SDE2: variants seen among roughly 807,000 people sequenced by gnomAD.
SDE2 encodes spliceosome associated SDE2, also known as splicing regulator SDE2.
Under a neutral mutation model 46.9 loss-of-function variants are expected in SDE2, and 31 were observed. The ratio of observed to expected loss-of-function variants is 0.66; its 90% confidence interval spans 0.50 to 0.89. The LOEUF is 0.89. Ranked by LOEUF, SDE2 falls within the 40% of genes least tolerant of loss-of-function variation. The pLI is 0.00. For missense variants in SDE2, 542 were observed against 564.4 expected (o/e 0.96, Z 0.40); for synonymous variants, 205 against 204.3 (o/e 1.00, Z -0.03).
At position 225,995,331 on chromosome 1, in the gene SDE2, G is replaced by A. The variant is rs1263030239; in HGVS notation, c.173C>T (p.Thr58Ile). ...FVKCNGALIN[T>I]SDTVQHGAVY... ...AGCTCCATGCTGCACTGTGTCACTG[G>A]TGTTAATGAGTGCTCCATTGCATTT... Residue 58 changes from threonine to isoleucine, a missense_variant, in exon 2 of 7, where the codon ACC becomes ATC. By Grantham distance (89) the Thr-to-Ile change is moderately conservative. Coordinates refer to ENST00000272091, the MANE Select transcript of SDE2 (RefSeq NM_152608.4). 6.2e-7 allele frequency: 1 copy of A among 1,612,714 alleles called. No individual in the cohort carries two copies. Among genetic ancestry groups the A allele is most frequent in the Non-Finnish European group, 8.5e-7 (1 of 1,179,004 alleles).
intron 6 of SDE2, among the ~76,000 whole-genome samples, 179 bp from the exon 7 acceptor site, chr1:225,985,702 T>C (rs1287777778): frequency 6.6e-6 from 1 of 152,224 alleles, no homozygotes; most frequent in Non-Finnish European, 1.5e-5. Flanking sequence ...ACATAATAAC[T>C]AATTTTTCAT....
rs1181099710 is a variant in SDE2 at position 225,984,354 on chromosome 1, A to C, written c.*948T>G. The C allele has an allele frequency of 6.6e-6, 1 of 152,232 alleles. No homozygotes were observed. Among genetic ancestry groups the C allele is most frequent in the Non-Finnish European group, 1.5e-5 (1 of 68,046 alleles). The allele number at this position is 152,232 out of a possible 1,614,324, so 9.4% of individuals were successfully genotyped here. ...CTTAAAAGAAAATGTATAGCTTTAAATATGTATTTTAAATAACGTCTAAGA... is the reference window on the plus strand; with the variant it reads ...CTTAAAAGAAAATGTATAGCTTTAACTATGTATTTTAAATAACGTCTAAGA... On this transcript the variant is annotated 3_prime_UTR_variant, in exon 7 of 7. Transcript: ENST00000272091.
In SDE2 at chr1:225,988,299, A is replaced by T; in HGVS notation, c.731T>A (p.Met244Lys). Residue 244 changes from methionine to lysine, a missense_variant, in exon 6 of 7, where the codon ATG becomes AAG. Coordinates refer to ENST00000272091, the MANE Select transcript of SDE2 (RefSeq NM_152608.4). ...ACCAATTTTTGGAGCATGGAAACCC[A>T]TTCCTGAAGTGCTTGGTGCTTCTTC... ...DSEEAPSTSG[M>K]GFHAPKIGSN... The T allele has an allele frequency of 3.1e-6, 5 of 1,614,156 alleles. No individual in the cohort carries two copies. Among genetic ancestry groups the T allele is most frequent in the Non-Finnish European group, 4.2e-6 (5 of 1,180,012 alleles).
chr1:225,984,247 CAA>C lies in SDE2; in HGVS notation c.*1053_*1054del, dbSNP rs1656219363. ...GGGCAACAAAAGCGAAATTCCATCT[CAA>C]AAAGAAAAAAAAAAGAAAATTAGAA... On this transcript the variant is annotated 3_prime_UTR_variant, in exon 7 of 7. Coordinates refer to ENST00000272091, the MANE Select transcript of SDE2 (RefSeq NM_152608.4). The C allele has an allele frequency of 6.9e-6, 1 of 144,246 alleles. No individual in the cohort carries two copies. The highest frequency in any genetic ancestry group is 2.6e-5 in the African/African-American group (1 of 38,956). The allele number at this position is 144,246 out of a possible 1,614,324, so 8.9% of individuals were successfully genotyped here. A position where few individuals can be genotyped will look rare whatever the true frequency, so the allele number is the denominator to read the frequency against.
At chr1:225,985,599 T>C in intron 6 of SDE2, 76 bp from the exon 7 acceptor site, 1 of 912,170 alleles carries the variant, frequency 1.1e-6, no homozygotes, top group Non-Finnish European at 1.7e-6. Flanking sequence ...GTCAACTACA[T>C]TTCTTGAGAA....
rs138011725 is a variant in SDE2 at position 225,987,342 on chromosome 1, C to G, written c.1134+554G>C. Among the ~76,000 whole-genome samples, 682 of 152,220 alleles carry G rather than the reference C, an allele frequency of 4.5e-3. 6 individuals are homozygous for G. The highest frequency in any genetic ancestry group is 0.016 in the African/African-American group (659 of 41,526). On this transcript the variant is annotated intron_variant, in intron 6 of 6. Transcript: ENST00000272091. The stretch of plus-strand genomic sequence containing the variant: ...TGCTGGGATTACAGGCGTGAGCCAC[C>G]GCACCTGGCTGAAGATGCCTTTTTT...
rs992200251 is a variant in SDE2, at chr1:225,983,758, T to C, written c.*1544A>G. 6.6e-6 allele frequency: 1 copy of C among 152,012 alleles called. No individual in the cohort carries two copies. The highest frequency in any genetic ancestry group is 6.6e-5 in the Admixed American group (1 of 15,248). The allele number at this position is 152,012 out of a possible 1,614,324, so 9.4% of individuals were successfully genotyped here. ...GGTACACTCACCATGACAGACAACA[T>C]ATTGGGTCATAAAACGAGTCTCAAT... On this transcript the variant is annotated 3_prime_UTR_variant, in exon 7 of 7. Coordinates refer to ENST00000272091, the MANE Select transcript of SDE2 (RefSeq NM_152608.4).
intron 2 of SDE2, among the ~76,000 whole-genome samples, chr1:225,994,885 A>C (rs1271264550): frequency 6.6e-6 from 1 of 152,208 alleles, no homozygotes; most frequent in African/African-American, 2.4e-5. Flanking sequence ...CTCTACAAAA[A>C]ATACAAAAAT....
At position 225,985,170 on chromosome 1, in the gene SDE2, A is replaced by G. The variant is rs1199597858; in HGVS notation, c.*132T>C. 1.5e-6 allele frequency: 1 copy of G among 667,660 alleles called. No homozygotes were observed. Among genetic ancestry groups the G allele is most frequent in the Non-Finnish European group, 2.6e-6 (1 of 383,996 alleles). 41.4% of individuals were successfully genotyped at this position (667,660 alleles called of 1,614,324 possible). On this transcript the variant is annotated 3_prime_UTR_variant, in exon 7 of 7. Transcript: ENST00000272091. Reference sequence around the variant, plus strand: ...TAATTCTACAGCCCTGACAAGGAAAAAGGGGATAGTTAGAATTGGGTTACT... The same window carrying G: ...TAATTCTACAGCCCTGACAAGGAAAGAGGGGATAGTTAGAATTGGGTTACT...
At chr1:225,998,542 T>C (rs547825087) in intron 1 of SDE2, among the ~76,000 whole-genome samples, 3 of 152,348 alleles carry the variant, frequency 2.0e-5, no homozygotes, top group Admixed American at 1.3e-4. Flanking sequence ...AAAGCTTACT[T>C]ACTTGAAAGT....
At chr1:225,993,102 C>T in intron 2 of SDE2, 100 bp from the exon 3 acceptor site, 1 of 487,874 alleles carries the variant, frequency 2.0e-6, no homozygotes, top group Non-Finnish European at 3.6e-6. Flanking sequence ...TAACAATGAT[C>T]TCTACTTTCT....
chr1:225,993,107 C>CT, intron 2 of SDE2, 105 bp from the exon 3 acceptor site: 1 of 223,558 alleles, frequency 4.5e-6, no homozygotes, highest in Non-Finnish European at 8.0e-6. Context: ...ATGATCTCTA[C>CT]TTTCTTTCTT....
intron 4 of SDE2, 134 bp from the exon 5 acceptor site, chr1:225,991,497 A>G (rs1184288742): frequency 3.2e-6 from 2 of 624,736 alleles, no homozygotes; most frequent in Non-Finnish European, 5.4e-6. Context: ...AACATTTTAT[A>G]CAGTTAATCT....
At chr1:225,991,102 A>G in intron 5 of SDE2, 141 bp downstream of exon 5, 1 of 660,102 alleles carries the variant, frequency 1.5e-6, no homozygotes, top group Non-Finnish European at 2.6e-6. Context: ...AATCACTGAA[A>G]CCTAAAGCTT....
At position 225,983,116 on chromosome 1, in the gene SDE2, G is replaced by A. The variant is rs1223971473; in HGVS notation, c.*2186C>T. On this transcript the variant is annotated 3_prime_UTR_variant, in exon 7 of 7. Coordinates refer to ENST00000272091, the MANE Select transcript of SDE2 (RefSeq NM_152608.4). ...TTAAACTTATTAAAAGATACAGAGA[G>A]AACAGATAAAAATGCAAGTCTCAAG... The A allele has an allele frequency of 6.6e-6, 1 of 152,056 alleles. No homozygotes were observed. The highest frequency in any genetic ancestry group is 1.5e-5 in the Non-Finnish European group (1 of 68,002). The allele number at this position is 152,056 out of a possible 1,614,324, so 9.4% of individuals were successfully genotyped here.
At chr1:225,987,288 G>A (rs968993746) in intron 6 of SDE2, among the ~76,000 whole-genome samples, 1 of 152,110 alleles carries the variant, frequency 6.6e-6, no homozygotes, top group Non-Finnish European at 1.5e-5. Context: ...CCTGACCTCA[G>A]GTGATCTGCC....
chr1:225,999,111 C>T (rs1470094269), intron 1 of SDE2, 82 bp downstream of exon 1: 2 of 1,129,962 alleles, frequency 1.8e-6, no homozygotes, highest in Admixed American at 2.0e-5. Flanking sequence ...AACGTACCCC[C>T]GCCCCGGACA....
Position 225,991,238 on chromosome 1 carries a change from CT to C in SDE2, c.641+4del. The C allele has an allele frequency of 6.2e-7, 1 of 1,612,562 alleles. No individual in the cohort carries two copies. The highest frequency in any genetic ancestry group is 1.1e-5 in the South Asian group (1 of 90,940). On this transcript the variant is annotated splice_donor_region_variant and intron_variant, in intron 5 of 6. Transcript: ENST00000272091. ...ATCAATTGGGAACGAAAGTGAAACA[CT>C]TACCAGAAGCATCTCCTCTTTCCCG...
At chr1:225,989,021 G>A (rs764342043) in intron 5 of SDE2, among the ~76,000 whole-genome samples, 6 of 152,172 alleles carry the variant, frequency 3.9e-5, no homozygotes, top group South Asian at 4.1e-4. Flanking sequence ...ATAGTTGGCC[G>A]GGCGTGGTGG....
Sources: allele counts gnomAD v4.1 joint callset (sites outside exome capture counted in the v4.1 genomes callset), GRCh38; gene constraint gnomAD v4.1.1; transcripts MANE v1.5; gene names NCBI Gene and HGNC (gene_info 2026-07-23, HGNC 2026-07-21).